ZBTB16: variants seen among roughly 807,000 people sequenced by gnomAD.
ZBTB16 encodes zinc finger and BTB domain containing 16, also known as zinc finger and BTB domain-containing protein 16.
In ZBTB16, 8 loss-of-function variants were observed where a neutral mutation model predicts 56.8. The observed-to-expected ratio is 0.14, with a 90% confidence interval of 0.08 to 0.25. The LOEUF (loss-of-function observed/expected upper bound fraction) is 0.25, where lower values mean the gene tolerates loss of function less well. Ranked by LOEUF, ZBTB16 falls within the 10% of genes least tolerant of loss-of-function variation. The probability of loss-of-function intolerance (pLI) is 1.00; values close to 1 mark genes in which losing one functional copy is unlikely to be tolerated. For missense variants in ZBTB16, 625 were observed against 903.0 expected (o/e 0.69, Z 3.95); for synonymous variants, 363 against 368.5 (o/e 0.98, Z 0.17).
At chr11:114,214,439 C>CA (rs1226114966) in intron 4 of ZBTB16, among the ~76,000 whole-genome samples, 2 of 152,078 alleles carry the variant, frequency 1.3e-5, no homozygotes, top group Non-Finnish European at 2.9e-5. Flanking sequence ...GCATACTGGC[C>CA]AGGTACTCAG....
At chr11:114,124,557 CA>C (rs1381254014) in intron 2 of ZBTB16, among the ~76,000 whole-genome samples, 657 of 41,020 alleles carry the variant, frequency 0.016, 9 homozygotes, top group African/African-American at 0.064. Context: ...AAAAAAAAAC[CA>C]AAAAAAAAAA....
chr11:114,131,138 A>T (rs1941647162), intron 2 of ZBTB16, among the ~76,000 whole-genome samples: 2 of 152,128 alleles, frequency 1.3e-5, no homozygotes, highest in Non-Finnish European at 2.9e-5. Flanking sequence ...TCAATGGGGG[A>T]CAATTTCGTC....
rs1193376175 is a variant in ZBTB16 at position 114,148,407 on chromosome 11, C to T, written c.1269-7930C>T. Among the ~76,000 whole-genome samples, 5 of 31,286 alleles carry T rather than the reference C, an allele frequency of 1.6e-4. 1 individual carries two copies. In the Admixed American group the frequency reaches 1.6e-3, roughly 10 times the overall value. 20.5% of individuals were successfully genotyped at this position (31,286 alleles called of 152,430 possible). On this transcript the variant is annotated intron_variant, in intron 2 of 6. Transcript: ENST00000335953. ...TTCCTTCCTCCTTCCCTCCCTCCCT[C>T]CCTCCCTCCCTCCCTCCCTCTCTCT...
rs1939044935 is a variant in ZBTB16 at position 114,064,631 on chromosome 11, A to G, written c.1268+63A>G. On this transcript the variant is annotated intron_variant, in intron 2 of 6. Coordinates refer to ENST00000335953, the MANE Select transcript of ZBTB16 (RefSeq NM_006006.6). This position sits in a 1 kb window ranked among gnomAD's most constrained non-coding sequence, Gnocchi z 4.2. ...TGAGGCCCTCACACCCCTCCTTCAC[A>G]CCCTGGCTGCTCCCAAGTTAGGGGC... The G allele has an allele frequency of 6.3e-7, 1 of 1,586,218 alleles. No individual in the cohort carries two copies. The highest frequency in any genetic ancestry group is 8.6e-7 in the Non-Finnish European group (1 of 1,166,818).
chr11:114,140,718 C>T (rs949408919), intron 2 of ZBTB16, among the ~76,000 whole-genome samples: 4 of 152,266 alleles, frequency 2.6e-5, no homozygotes, highest in African/African-American at 7.2e-5. Flanking sequence ...CACCTGTGCT[C>T]GGGAGTAGAT....
intron 5 of ZBTB16, 101 bp downstream of exon 5, chr11:114,242,438 T>G (rs2135200318): frequency 6.7e-7 from 1 of 1,500,716 alleles, no homozygotes; most frequent in East Asian, 2.4e-5. Flanking sequence ...GAGTCAGCCT[T>G]CAGTCCTTCT....
At chr11:114,105,303 C>T (rs772555858) in intron 2 of ZBTB16, among the ~76,000 whole-genome samples, 13 of 151,784 alleles carry the variant, frequency 8.6e-5, no homozygotes, top group South Asian at 4.2e-4. Flanking sequence ...TGCGCTGGCA[C>T]GATCTCGGCT....
chr11:114,247,546 G>C (rs1164556930), intron 6 of ZBTB16, among the ~76,000 whole-genome samples, 181 bp downstream of exon 6: 8 of 152,206 alleles, frequency 5.3e-5, no homozygotes, highest in Admixed American at 2.0e-4. Context: ...AAGGTGGCCT[G>C]AGGGCCATCA....
chr11:114,149,540 A>G lies in ZBTB16; in HGVS notation c.1269-6797A>G, dbSNP rs189475599. On this transcript the variant is annotated intron_variant, in intron 2 of 6. Coordinates refer to ENST00000335953, the MANE Select transcript of ZBTB16 (RefSeq NM_006006.6). ...TGTTTTTCTTAATCTGTTGTTTGAA[A>G]TCCTTGGCTTTTATTGGTATATTTA... Among the ~76,000 whole-genome samples, 24 of 152,258 alleles carry G rather than the reference A, an allele frequency of 1.6e-4. No homozygotes were observed. The East Asian group carries it at 4.4e-3, about 28-fold the overall frequency.
At chr11:114,101,103 C>T (rs1163776236) in intron 2 of ZBTB16, among the ~76,000 whole-genome samples, 1 of 152,094 alleles carries the variant, frequency 6.6e-6, no homozygotes, top group Non-Finnish European at 1.5e-5. Flanking sequence ...CTCCCTGGCT[C>T]AAGCAATTCT....
chr11:114,082,483 C>A (rs1187920767), intron 2 of ZBTB16, among the ~76,000 whole-genome samples: 1 of 152,122 alleles, frequency 6.6e-6, no homozygotes, highest in Non-Finnish European at 1.5e-5. Context: ...TGGACTTTAT[C>A]CCGGGAGAGT....
intron 2 of ZBTB16, among the ~76,000 whole-genome samples, chr11:114,096,704 G>A (rs1565623371): frequency 6.6e-6 from 1 of 152,184 alleles, no homozygotes. Flanking sequence ...ATCAAATGAG[G>A]AAACTTGAGG....
At chr11:114,230,092 G>A (rs1353546489) in intron 4 of ZBTB16, among the ~76,000 whole-genome samples, 1 of 152,166 alleles carries the variant, frequency 6.6e-6, no homozygotes, top group Non-Finnish European at 1.5e-5. Flanking sequence ...GGGGCAGTGG[G>A]TGTGTCCTCT....
intron 2 of ZBTB16, among the ~76,000 whole-genome samples, chr11:114,117,508 G>T (rs1057214993): frequency 3.3e-5 from 5 of 151,862 alleles, no homozygotes; most frequent in African/African-American, 7.3e-5. Flanking sequence ...GCACATTGTA[G>T]GGGGAAATGA....
chr11:114,230,791 TTC>T (rs1162516081), intron 4 of ZBTB16, among the ~76,000 whole-genome samples: 1 of 152,080 alleles, frequency 6.6e-6, no homozygotes, highest in African/African-American at 2.4e-5. Context: ...CAATCAGTAT[TTC>T]GTTTTATTTT....
intron 2 of ZBTB16, among the ~76,000 whole-genome samples, chr11:114,067,245 G>A (rs1211705241): frequency 6.6e-6 from 1 of 152,184 alleles, no homozygotes; most frequent in Non-Finnish European, 1.5e-5. Flanking sequence ...TTGGCTCTGA[G>A]TTCTAGTGTG....
At chr11:114,243,495 G>A (rs538396082) in intron 5 of ZBTB16, among the ~76,000 whole-genome samples, 1 of 152,292 alleles carries the variant, frequency 6.6e-6, no homozygotes, top group East Asian at 1.9e-4. Context: ...ACTTCTGGAT[G>A]CCATTTTGTT....
At chr11:114,216,791 A>G (rs944614933) in intron 4 of ZBTB16, among the ~76,000 whole-genome samples, 2 of 152,204 alleles carry the variant, frequency 1.3e-5, no homozygotes, top group Admixed American at 1.3e-4. Flanking sequence ...CATTCATTCA[A>G]CATTTATTGC....
chr11:114,196,664 G>A (rs1004829463), intron 4 of ZBTB16, among the ~76,000 whole-genome samples: 1 of 152,136 alleles, frequency 6.6e-6, no homozygotes, highest in Admixed American at 6.5e-5. Flanking sequence ...TATGCTAGGT[G>A]CTTTGTGGAC....
Sources: gnomAD v4.1 joint callset for allele counts (sites outside exome capture counted in the v4.1 genomes callset) on GRCh38, gnomAD v4.1.1 for gene constraint, Gnocchi (gnomAD v3.1) non-coding constraint, MANE v1.5 for transcripts, NCBI Gene and HGNC (gene_info 2026-07-23, HGNC 2026-07-21) for gene names.